Variants in UACA observed in about 807,000 individuals in gnomAD.
UACA encodes the protein nuclear membrane binding protein.
A neutral mutation model predicts 160.5 loss-of-function variants in UACA; 112 were observed. That is an observed-to-expected ratio of 0.70 (90% CI 0.60 to 0.82). The LOEUF (loss-of-function observed/expected upper bound fraction) is 0.82, where lower values mean the gene tolerates loss of function less well. UACA is among the 40% of genes least tolerant of loss of function. UACA has a pLI of 0.00. For missense variants in UACA, 1,574 were observed against 1,614.6 expected (o/e 0.97, Z 0.43); for synonymous variants, 557 against 568.4 (o/e 0.98, Z 0.29).
chr15:70,680,421 G>A (rs1056231259), intron 9 of UACA, among the ~76,000 whole-genome samples: 4 of 151,080 alleles, frequency 2.6e-5, no homozygotes, highest in African/African-American at 4.9e-5. Context: ...TTAATTCTTC[G>A]AGATGATTTT....
intron 10 of UACA, among the ~76,000 whole-genome samples, chr15:70,679,394 C>T (rs1239224428): frequency 2.8e-5 from 3 of 108,662 alleles, no homozygotes; most frequent in East Asian, 2.3e-4. Flanking sequence ...CAGAGCCAGA[C>T]CCCATCTCTA....
In UACA at chr15:70,720,692, T is replaced by G. The variant is rs144680944; in HGVS notation, c.79-21032A>C. Among the ~76,000 whole-genome samples, 495 of 152,330 alleles carry G rather than the reference T, an allele frequency of 3.2e-3. 4 individuals are homozygous for G. The highest frequency in any genetic ancestry group is 0.01 in the African/African-American group (436 of 41,570). Reference sequence around the variant, plus strand: ...ATTTTCCTTGAGGAAGAGATAAATATATTTTGTATGCCGAAGCAAAGTAAG... The same window carrying G: ...ATTTTCCTTGAGGAAGAGATAAATAGATTTTGTATGCCGAAGCAAAGTAAG... On this transcript the variant is annotated intron_variant, in intron 1 of 18. Coordinates refer to ENST00000322954, the MANE Select transcript of UACA (RefSeq NM_018003.4).
chr15:70,763,758 G>A (rs1219768376), upstream of UACA, among the ~76,000 whole-genome samples: 3 of 152,380 alleles, frequency 2.0e-5, no homozygotes, highest in East Asian at 5.8e-4. Flanking sequence ...GGCCAGAGGC[G>A]TGGAGATGCG....
At chr15:70,777,558 G>T in the UACA span, among the ~76,000 whole-genome samples, 1 of 152,136 alleles carries the variant, frequency 6.6e-6, no homozygotes, top group Non-Finnish European at 1.5e-5. Context: ...AAAACCAAAG[G>T]GTATGGAGCC....
rs775436524 is a variant in UACA at position 70,667,290 on chromosome 15, T to G, written c.3394A>C (p.Lys1132Gln). ...CTTTGCATACTCTTCAGTTCTTCCTTTAGATTTTCAATTGTGCCATTAAGA... is the reference window on the plus strand; with the variant it reads ...CTTTGCATACTCTTCAGTTCTTCCTGTAGATTTTCAATTGTGCCATTAAGA... ...KSLNGTIENL[K>Q]EELKSMQRCY... is the part of the protein sequence containing the mutation. The change falls in exon 16 of 19, where the codon AAG becomes CAG. Residue 1132 changes from lysine to glutamine, a missense_variant. Lys to Gln is a moderately conservative substitution (Grantham distance 53). Coordinates refer to ENST00000322954, the MANE Select transcript of UACA (RefSeq NM_018003.4). 1.9e-5 allele frequency: 31 copies of G among 1,611,784 alleles called. No homozygotes were observed. The South Asian group carries it at 3.3e-4, about 17-fold the overall frequency.
At chr15:70,686,678 A>C (rs1897735871) in intron 7 of UACA, among the ~76,000 whole-genome samples, 1 of 151,962 alleles carries the variant, frequency 6.6e-6, no homozygotes, top group Admixed American at 6.6e-5. Flanking sequence ...CTGACAACTA[A>C]AGACTATTTT....
At chr15:70,662,867 T>G (rs1226178072) in intron 17 of UACA, among the ~76,000 whole-genome samples, 1 of 151,986 alleles carries the variant, frequency 6.6e-6, no homozygotes, top group East Asian at 1.9e-4. Flanking sequence ...TAATTCAAGA[T>G]GGATTAAAGA....
chr15:70,679,120 C>T (rs1897390259), intron 10 of UACA, among the ~76,000 whole-genome samples: 1 of 151,984 alleles, frequency 6.6e-6, no homozygotes, highest in South Asian at 2.1e-4. Flanking sequence ...AGAGATTAGG[C>T]AGCCGGGTGT....
chr15:70,690,570 C>T (rs544986319), intron 4 of UACA, 59 bp from the exon 5 acceptor site: 1 of 1,344,140 alleles, frequency 7.4e-7, no homozygotes, highest in East Asian at 2.4e-5. Flanking sequence ...ATTAGATATC[C>T]AGACTCAGAT....
In UACA at chr15:70,763,351, A is replaced by C; in HGVS notation, c.57T>G (p.Ser19=). 1 of 1,334,780 alleles carries C rather than the reference A, an allele frequency of 7.5e-7. No individual in the cohort carries two copies. The highest frequency in any genetic ancestry group is 3.1e-5 in the East Asian group (1 of 32,048). The allele number at this position is 1,334,780 out of a possible 1,614,324, so 82.7% of individuals were successfully genotyped here. A position where few individuals can be genotyped will look rare whatever the true frequency, so the allele number is the denominator to read the frequency against. ...RRQDVPGPAS[S]GAAAASAHAA... The stretch of plus-strand genomic sequence containing the variant: ...TCACCGCGCTGGCGGCGGCGGCGCC[A>C]GACGACGCGGGGCCGGGCACGTCCT... The change falls in exon 1 of 19, where the codon TCT becomes TCG. Residue 19 remains serine (S), a synonymous_variant. Coordinates refer to ENST00000322954, the MANE Select transcript of UACA (RefSeq NM_018003.4).
At chr15:70,699,470 T>C (rs2140965917) in intron 2 of UACA, 57 bp downstream of exon 2, 1 of 1,547,316 alleles carries the variant, frequency 6.5e-7, no homozygotes, top group Non-Finnish European at 8.8e-7. Context: ...GTTTCATTTG[T>C]ATCCCAAGAC....
intron 18 of UACA, among the ~76,000 whole-genome samples, chr15:70,657,674 CT>C (rs890190029): frequency 6.6e-6 from 1 of 152,118 alleles, no homozygotes; most frequent in Non-Finnish European, 1.5e-5. Flanking sequence ...CCCTCTTTCT[CT>C]TTTTTAATAA....
chr15:70,661,406 G>C (rs534555168), intron 17 of UACA: 1 of 152,054 alleles, frequency 6.6e-6, no homozygotes, highest in South Asian at 2.1e-4. Flanking sequence ...TTAGCACAGG[G>C]TCATGAACAT....
intron 10 of UACA, 65 bp from the exon 11 acceptor site, chr15:70,678,271 T>C: frequency 8.4e-7 from 1 of 1,190,222 alleles, no homozygotes. Context: ...AAAGGAGAAA[T>C]TTTTAAAAGC....
intron 1 of UACA, chr15:70,702,322 TCCG>T: frequency 1.0e-6 from 1 of 993,020 alleles, no homozygotes; most frequent in Non-Finnish European, 1.2e-6. Context: ...ACTGTCCACA[TCCG>T]AATTGTCCGG....
At chr15:70,776,897 A>C in the UACA span, among the ~76,000 whole-genome samples, 1 of 152,176 alleles carries the variant, frequency 6.6e-6, no homozygotes, top group Admixed American at 6.5e-5. Context: ...GACTGATTGG[A>C]ACAGGGTGAG....
rs1896956433 is a variant in UACA at position 70,667,400 on chromosome 15, T to C, written c.3284A>G (p.Lys1095Arg). Reference sequence around the variant, plus strand: ...CACTGCAAGTATCTCAGAAGTCTGTTTGGCATTTTCTTCTACTAGCTTCTC... The same window carrying C: ...CACTGCAAGTATCTCAGAAGTCTGTCTGGCATTTTCTTCTACTAGCTTCTC... ...VKEKLVEENA[K>R]QTSEILAVQN... Residue 1095 changes from lysine (K) to arginine (R), a missense_variant, in exon 16 of 19, where the codon AAA becomes AGA. Coordinates refer to ENST00000322954, the MANE Select transcript of UACA (RefSeq NM_018003.4). 5.6e-6 allele frequency: 9 copies of C among 1,612,066 alleles called. No homozygotes were observed. The highest frequency in any genetic ancestry group is 1.7e-4 in the Middle Eastern group (1 of 6,058).
intron 1 of UACA, among the ~76,000 whole-genome samples, chr15:70,735,985 G>A (rs954654032): frequency 6.6e-6 from 1 of 151,992 alleles, no homozygotes; most frequent in East Asian, 1.9e-4. Flanking sequence ...TGAAAACAAA[G>A]ATTTTTAAAA....
chr15:70,685,519 G>C (rs1897679734), intron 7 of UACA, among the ~76,000 whole-genome samples: 1 of 151,976 alleles, frequency 6.6e-6, no homozygotes, highest in Admixed American at 6.6e-5. Flanking sequence ...CATTAACAAA[G>C]TTTTTGTTAT....
Sources: allele counts gnomAD v4.1 joint callset (sites outside exome capture counted in the v4.1 genomes callset), GRCh38; gene constraint gnomAD v4.1.1; transcripts MANE v1.5; gene names NCBI Gene and HGNC (gene_info 2026-07-23, HGNC 2026-07-21).